Variants in PA2G4 observed in about 807,000 individuals in gnomAD.
PA2G4 encodes proliferation-associated protein 2G4.
PA2G4 carries 8 observed loss-of-function variants against 53.3 expected under a neutral mutation model. That is an observed-to-expected ratio of 0.15 (90% CI 0.09 to 0.27). PA2G4 has a LOEUF of 0.27. PA2G4 is among the 10% of genes least tolerant of loss of function. The probability of loss-of-function intolerance (pLI) is 1.00; values close to 1 mark genes in which losing one functional copy is unlikely to be tolerated. For synonymous variants in PA2G4, 143 were observed against 169.8 expected, an observed-to-expected ratio of 0.84 and a Z score of 1.23; for missense variants, 208 against 486.8, an observed-to-expected ratio of 0.43 and a Z score of 5.39.
intron 6 of PA2G4, among the ~76,000 whole-genome samples, 198 bp downstream of exon 6, chr12:56,109,491 G>A (rs1869372970): frequency 6.6e-6 from 1 of 151,872 alleles, no homozygotes; most frequent in Admixed American, 6.6e-5. Flanking sequence ...GTGGTGGTGG[G>A]TGCCTGTAAT....
intron 1 of PA2G4, chr12:56,105,083 G>A (rs1161966747): frequency 2.9e-6 from 2 of 691,124 alleles, no homozygotes; most frequent in Non-Finnish European, 5.3e-6. Flanking sequence ...TCCGACCCGA[G>A]GCCGTTTGTT....
intron 7 of PA2G4, 110 bp downstream of exon 7, chr12:56,110,045 T>G (rs1869386576): frequency 1.2e-6 from 1 of 803,498 alleles, no homozygotes; most frequent in Non-Finnish European, 2.2e-6. Context: ...TTTTCAGGAG[T>G]GACCTGTTGC....
chr12:56,112,720 G>A lies in PA2G4; in HGVS notation c.1120-103G>A, dbSNP rs148508224. The A allele has an allele frequency of 7.8e-4, 627 of 804,970 alleles. 12 individuals carry two copies. In the East Asian group the frequency reaches 0.013, roughly 17 times the overall value. 49.9% of individuals were successfully genotyped at this position (804,970 alleles called of 1,614,324 possible). ...ACTGCACTCCAGCCTGGAAAACAGAGTGAGACTGTCTCAGAAAAAAAAATA... is the reference window on the plus strand; with the variant it reads ...ACTGCACTCCAGCCTGGAAAACAGAATGAGACTGTCTCAGAAAAAAAAATA... On this transcript the variant is annotated intron_variant, in intron 12 of 12. Transcript: ENST00000303305.
chr12:56,108,912 G>C (rs895582641), intron 5 of PA2G4, among the ~76,000 whole-genome samples: 6 of 152,004 alleles, frequency 3.9e-5, no homozygotes, highest in Admixed American at 6.6e-5. Flanking sequence ...CAGATCACGA[G>C]GTCAGGAGAT....
In PA2G4 at chr12:56,113,549, G is replaced by C. The variant is rs1028714230; in HGVS notation, c.*661G>C. 2.8e-6 allele frequency: 1 copy of C among 362,138 alleles called. No homozygotes were observed. Among genetic ancestry groups the C allele is most frequent in the Non-Finnish European group, 4.9e-6 (1 of 202,422 alleles). The allele number at this position is 362,138 out of a possible 1,614,324, so 22.4% of individuals were successfully genotyped here. On this transcript the variant is annotated 3_prime_UTR_variant, in exon 13 of 13. Transcript: ENST00000303305. Reference sequence around the variant, plus strand: ...TCTTCCATTTTCACAAAGCTGTAAAGAAATAATCCATCTCAACCTTACCCT... The same window carrying C: ...TCTTCCATTTTCACAAAGCTGTAAACAAATAATCCATCTCAACCTTACCCT...
At chr12:56,105,975 T>C (rs1452536588) in intron 1 of PA2G4, among the ~76,000 whole-genome samples, 1 of 152,230 alleles carries the variant, frequency 6.6e-6, no homozygotes, top group East Asian at 1.9e-4. Flanking sequence ...ACATTTAGTA[T>C]CGTACCCTGG....
At chr12:56,112,754 T>G in intron 12 of PA2G4, 69 bp from the exon 13 acceptor site, 3 of 1,074,582 alleles carry the variant, frequency 2.8e-6, no homozygotes, top group Non-Finnish European at 4.2e-6. Flanking sequence ...TACTTTTATC[T>G]CTGGTCCCAG....
chr12:56,110,723 T>A, intron 9 of PA2G4, 31 bp downstream of exon 9: 1 of 1,613,278 alleles, frequency 6.2e-7, no homozygotes, highest in Non-Finnish European at 8.5e-7. Context: ...TTGGAACCAG[T>A]CTGACTCACA....
At position 56,109,384 on chromosome 12, in the gene PA2G4, C is replaced by G; in HGVS notation, c.550+91C>G. 3.4e-6 allele frequency: 3 copies of G among 890,712 alleles called. No homozygotes were observed. In the South Asian group the frequency reaches 4.0e-5, roughly 12 times the overall value. The allele number at this position is 890,712 out of a possible 1,614,324, so 55.2% of individuals were successfully genotyped here. On this transcript the variant is annotated intron_variant, in intron 6 of 12. Transcript: ENST00000303305. ...CCTGTAATCCCAGAACTTTGGGAGG[C>G]TGAGGTGGGCGGATCACCTGAGGTC...
intron 9 of PA2G4, 81 bp from the exon 10 acceptor site, chr12:56,110,882 AG>A (rs1263779856): frequency 7.2e-7 from 1 of 1,393,248 alleles, no homozygotes; most frequent in African/African-American, 1.4e-5. Context: ...GCCTGAGGGT[AG>A]GAGCTATTTT....
rs747027541 is a variant in PA2G4, at chr12:56,104,672, C to T, written c.-66C>T. 5.0e-6 allele frequency: 7 copies of T among 1,413,542 alleles called. No homozygotes were observed. The highest frequency in any genetic ancestry group is 7.0e-6 in the Non-Finnish European group (7 of 997,170). The allele number at this position is 1,413,542 out of a possible 1,614,324, so 87.6% of individuals were successfully genotyped here. On this transcript the variant is annotated 5_prime_UTR_variant, in exon 1 of 13. Transcript: ENST00000303305. Reference sequence around the variant, plus strand: ...AGGGGACTCTGACCACAGCCTGTGGCTGGGAAGGGAGACAGAGGCGGCGGC... The same window carrying T: ...AGGGGACTCTGACCACAGCCTGTGGTTGGGAAGGGAGACAGAGGCGGCGGC...
chr12:56,110,552 C>T lies in PA2G4; in HGVS notation c.709-7C>T. The T allele has an allele frequency of 1.2e-6, 2 of 1,614,076 alleles. No homozygotes were observed. Among genetic ancestry groups the T allele is most frequent in the Non-Finnish European group, 1.7e-6 (2 of 1,179,988 alleles). On this transcript the variant is annotated splice_region_variant and splice_polypyrimidine_tract_variant and intron_variant, in intron 8 of 12. Coordinates refer to ENST00000303305, the MANE Select transcript of PA2G4 (RefSeq NM_006191.3). ...CAGACCAAATGTTACTTAAATTACT[C>T]TTTCAGGCCAAGGATGCAGGACAGA... is the stretch of plus-strand genomic sequence containing the variant.
rs1208555777 is a variant in PA2G4 at position 56,111,479 on chromosome 12, C to T, written c.1069C>T (p.Leu357Phe). Residue 357 changes from leucine to phenylalanine, a missense_variant, in exon 12 of 13, where the codon CTC (leucine) becomes TTC (phenylalanine). By Grantham distance (22) the Leu-to-Phe change is conservative (BLOSUM62 0). Around this residue, in one of 3 missense-constraint regions of PA2G4, gnomAD observed 50 missense variants for 82.3 expected, o/e 0.61. Coordinates refer to ENST00000303305, the MANE Select transcript of PA2G4 (RefSeq NM_006191.3). ...TTCCCTTCTTCCTGTTTTCCAGGCCCTCCTCCAGAGTTCTGCAAGTCGAAA... is the reference window on the plus strand; with the variant it reads ...TTCCCTTCTTCCTGTTTTCCAGGCCTTCCTCCAGAGTTCTGCAAGTCGAAA... ...MEVQDAELKALLQSSASRKTQ... is the reference protein window; with the variant it reads ...MEVQDAELKAFLQSSASRKTQ... The T allele has an allele frequency of 6.2e-7, 1 of 1,613,686 alleles. No homozygotes were observed. The highest frequency in any genetic ancestry group is 1.1e-5 in the South Asian group (1 of 90,954).
chr12:56,112,473 T>C (rs182951165), intron 12 of PA2G4, among the ~76,000 whole-genome samples: 1 of 151,998 alleles, frequency 6.6e-6, no homozygotes, highest in East Asian at 1.9e-4. Flanking sequence ...GAGATAACTT[T>C]ATGGCTGGGT....
Position 56,111,712 on chromosome 12 carries a change from A to T in PA2G4, c.1119+183A>T, listed in dbSNP as rs571901582. On this transcript the variant is annotated intron_variant, in intron 12 of 12. Transcript: ENST00000303305. ...TGTAAGTCAAAATGGATTTTAAAAT[A>T]TATATATATATATTTTAAGAGACAG... 5.4e-5 allele frequency among the ~76,000 whole-genome samples: 8 copies of T among 148,294 alleles called. No individual in the cohort carries two copies. The South Asian group carries it at 1.7e-3, about 32-fold the overall frequency.
At chr12:56,112,667 G>C (rs554132288) in intron 12 of PA2G4, among the ~76,000 whole-genome samples, 156 bp from the exon 13 acceptor site, 1 of 152,006 alleles carries the variant, frequency 6.6e-6, no homozygotes, top group Non-Finnish European at 1.5e-5. Flanking sequence ...GAGGTGAGAG[G>C]ATCACCTGAG....
intron 9 of PA2G4, 126 bp downstream of exon 9, chr12:56,110,818 C>T: frequency 7.6e-7 from 1 of 1,316,516 alleles, no homozygotes; most frequent in Admixed American, 1.9e-5. Flanking sequence ...CTCTCTCTCC[C>T]CATCTCCTTC....
In PA2G4 at chr12:56,112,982, C is replaced by A; in HGVS notation, c.*94C>A. 3 of 803,778 alleles carry A rather than the reference C, an allele frequency of 3.7e-6. No individual in the cohort carries two copies. Among genetic ancestry groups the A allele is most frequent in the Non-Finnish European group, 5.7e-6 (3 of 522,616 alleles). The allele number at this position is 803,778 out of a possible 1,614,324, so 49.8% of individuals were successfully genotyped here. ...AAGTGCAGTTCTTCTCCACCTAGGA[C>A]CGCCAGCAGAGCGGGGGGATCTCCC... is the stretch of plus-strand genomic sequence containing the variant. On this transcript the variant is annotated 3_prime_UTR_variant, in exon 13 of 13. Coordinates refer to ENST00000303305, the MANE Select transcript of PA2G4 (RefSeq NM_006191.3).
At chr12:56,107,687 A>T in intron 5 of PA2G4, 74 bp downstream of exon 5, 2 of 973,748 alleles carry the variant, frequency 2.1e-6, no homozygotes, top group South Asian at 2.6e-5. Flanking sequence ...ACTCTATATG[A>T]AACTACCAAC....
Sources: allele counts gnomAD v4.1 joint callset (sites outside exome capture counted in the v4.1 genomes callset), GRCh38; gene constraint gnomAD v4.1.1; regional missense constraint gnomAD v4.1.1; transcripts MANE v1.5; gene names NCBI Gene and HGNC (gene_info 2026-07-23, HGNC 2026-07-21).